Variants in EXOSC2 observed in about 807,000 individuals in gnomAD.
EXOSC2 encodes exosome component 2.
Under a neutral mutation model 37.6 loss-of-function variants are expected in EXOSC2, and 29 were observed. That is an observed-to-expected ratio of 0.77 (90% CI 0.57 to 1.05). The LOEUF (loss-of-function observed/expected upper bound fraction) is 1.05, where lower values mean the gene tolerates loss of function less well. Among genes scored for constraint, EXOSC2 ranks in the 50% least tolerant of loss-of-function variants. The pLI, the probability that EXOSC2 is intolerant of heterozygous loss-of-function variation, is 0.00. For synonymous variants in EXOSC2, 119 were observed against 131.1 expected (o/e 0.91, Z 0.63); for missense variants, 346 against 365.6 (o/e 0.95, Z 0.44).
At position 130,698,156 on chromosome 9, in the gene EXOSC2, T is replaced by C; in HGVS notation, c.271-6T>C. 3.7e-6 allele frequency: 6 copies of C among 1,613,694 alleles called. No homozygotes were observed. Among genetic ancestry groups the C allele is most frequent in the Non-Finnish European group, 5.1e-6 (6 of 1,179,672 alleles). ...CATGTGTCCAGGTGTGGAACTTGGC[T>C]TATAGGTTCAACAGAAGAGGTGGAA... On this transcript the variant is annotated splice_region_variant and splice_polypyrimidine_tract_variant and intron_variant, in intron 3 of 8. Transcript: ENST00000372358. The surrounding 1 kb of genome is among the most constrained non-coding windows in gnomAD (Gnocchi z 4.1).
chr9:130,703,441 T>C (rs944327121), intron 8 of EXOSC2, among the ~76,000 whole-genome samples: 1 of 152,228 alleles, frequency 6.6e-6, no homozygotes, highest in African/African-American at 2.4e-5. Context: ...GACTACATCT[T>C]ACCTCTCCCA....
At position 130,693,812 on chromosome 9, in the gene EXOSC2, T is replaced by C. The variant is rs765985454; in HGVS notation, c.21T>C (p.Leu7=). The change falls in exon 1 of 9, where the codon CTT becomes CTC. Residue 7 remains leucine, a synonymous_variant. Coordinates refer to ENST00000372358, the MANE Select transcript of EXOSC2 (RefSeq NM_014285.7). MAMEMR[L]PVARKPLSER... is the part of the protein sequence containing the mutation. ...CCAAGATGGCGATGGAGATGAGGCTTCCAGTGGCTCGCAAGCCTCTTAGCG... is the reference window on the plus strand; with the variant it reads ...CCAAGATGGCGATGGAGATGAGGCTCCCAGTGGCTCGCAAGCCTCTTAGCG... The C allele has an allele frequency of 1.2e-6, 2 of 1,608,696 alleles. No individual in the cohort carries two copies. Among genetic ancestry groups the C allele is most frequent in the Non-Finnish European group, 1.7e-6 (2 of 1,176,748 alleles).
At position 130,703,830 on chromosome 9, in the gene EXOSC2, T is replaced by G; in HGVS notation, c.*56T>G. The G allele has an allele frequency of 1.4e-6, 2 of 1,406,956 alleles. No homozygotes were observed. The highest frequency in any genetic ancestry group is 2.0e-6 in the Non-Finnish European group (2 of 1,006,278). 87.2% of individuals were successfully genotyped at this position (1,406,956 alleles called of 1,614,324 possible). On this transcript the variant is annotated 3_prime_UTR_variant, in exon 9 of 9. Transcript: ENST00000372358. Reference sequence around the variant, plus strand: ...CCTTGCAGGAGTGAAGACTGTGATGTGTGGTCCCCATATGTGGCTCAGCAA... The same window carrying G: ...CCTTGCAGGAGTGAAGACTGTGATGGGTGGTCCCCATATGTGGCTCAGCAA...
rs777399540 is a variant in EXOSC2, at chr9:130,698,259, C to T, written c.360+8C>T. ...CTTCCTGGAGGAGAGCTGGTAAGGGCTACAGCTGGGGCCATGGACTAGGGC... is the reference window on the plus strand; with the variant it reads ...CTTCCTGGAGGAGAGCTGGTAAGGGTTACAGCTGGGGCCATGGACTAGGGC... On this transcript the variant is annotated splice_region_variant and intron_variant, in intron 4 of 8. Transcript: ENST00000372358. This position sits in a 1 kb window ranked among gnomAD's most constrained non-coding sequence, Gnocchi z 4.1. The T allele has an allele frequency of 1.9e-6, 3 of 1,613,300 alleles. No individual in the cohort carries two copies. The highest frequency in any genetic ancestry group is 1.1e-5 in the South Asian group (1 of 91,038).
chr9:130,702,787 G>A (rs1831246614), intron 7 of EXOSC2, among the ~76,000 whole-genome samples: 1 of 152,060 alleles, frequency 6.6e-6, no homozygotes, highest in Non-Finnish European at 1.5e-5. Context: ...TAGAGATGGG[G>A]TTTCACCATG....
chr9:130,702,933 A>AT, intron 7 of EXOSC2, 120 bp from the exon 8 acceptor site: 2 of 1,232,282 alleles, frequency 1.6e-6, no homozygotes, highest in Non-Finnish European at 2.3e-6. Context: ...TGTTTGGTTG[A>AT]TTTGGAGTTC....
Position 130,700,886 on chromosome 9 carries a change from T to A in EXOSC2, c.446T>A (p.Phe149Tyr), listed in dbSNP as rs779665643. The change falls in exon 6 of 9, where the codon TTC (phenylalanine) becomes TAC (tyrosine). Residue 149 changes from phenylalanine (F) to tyrosine (Y), a missense_variant. By Grantham distance (22) the Phe-to-Tyr change is conservative. Coordinates refer to ENST00000372358, the MANE Select transcript of EXOSC2 (RefSeq NM_014285.7). ...DLISAEVQAV[F>Y]SDGAVSLHTR... ...GGCCAGGCTGAGGTCCAGGCAGTGT[T>A]CTCTGACGGAGCTGTCTCTTTGCAC... 7 of 1,614,098 alleles carry A rather than the reference T, an allele frequency of 4.3e-6. No individual in the cohort carries two copies. The South Asian group carries it at 6.6e-5, about 15-fold the overall frequency.
At position 130,695,533 on chromosome 9, in the gene EXOSC2, C is replaced by T; in HGVS notation, c.164C>T (p.Ser55Phe). ...TYMGEEKLIA[S>F]VAGSVERVNK... ...ATGGGAGAAGAGAAGCTCATTGCAT[C>T]TGTTGCTGGCTCTGTGGAGAGAGTA... The change falls in exon 2 of 9, where the codon TCT (serine) becomes TTT (phenylalanine). Residue 55 changes from serine (S) to phenylalanine (F), a missense_variant. Transcript: ENST00000372358. 6.2e-7 allele frequency: 1 copy of T among 1,614,218 alleles called. No individual in the cohort carries two copies. Among genetic ancestry groups the T allele is most frequent in the Non-Finnish European group, 8.5e-7 (1 of 1,180,040 alleles).
chr9:130,695,213 T>C (rs1226598655), intron 1 of EXOSC2, among the ~76,000 whole-genome samples: 2 of 152,094 alleles, frequency 1.3e-5, no homozygotes, highest in Non-Finnish European at 2.9e-5. Context: ...GTCAATGGTA[T>C]GTGGGGGGAA....
intron 5 of EXOSC2, 33 bp downstream of exon 5, chr9:130,699,427 G>GCTT (rs768158074): frequency 1.9e-6 from 3 of 1,602,476 alleles, no homozygotes; most frequent in Admixed American, 3.3e-5. Flanking sequence ...GCCTCTTGAT[G>GCTT]CTTTTCTGTG....
rs746209114 is a variant in EXOSC2 at position 130,698,294 on chromosome 9, TG to T, written c.360+49del. On this transcript the variant is annotated intron_variant, in intron 4 of 8. Transcript: ENST00000372358. This position sits in a 1 kb window ranked among gnomAD's most constrained non-coding sequence, Gnocchi z 4.1. ...GGCCATGGACTAGGGCCCAGTGGGCTGGGGGGAGCCGTGGGACCCTTTGTTC... is the reference window on the plus strand; with the variant it reads ...GGCCATGGACTAGGGCCCAGTGGGCTGGGGGAGCCGTGGGACCCTTTGTTC... 2.5e-6 allele frequency: 4 copies of T among 1,577,050 alleles called. No homozygotes were observed. Among genetic ancestry groups the T allele is most frequent in the Non-Finnish European group, 2.6e-6 (3 of 1,148,282 alleles).
Position 130,698,039 on chromosome 9 carries a change from C to A in EXOSC2, c.271-123C>A. ...AAACTCCTGACCTCAAGTGATCCAC[C>A]AGCTTCGGCCTCCCAAAGTGCTGGG... On this transcript the variant is annotated intron_variant, in intron 3 of 8. Transcript: ENST00000372358. This position sits in a 1 kb window ranked among gnomAD's most constrained non-coding sequence, Gnocchi z 4.1. The A allele has an allele frequency of 3.7e-6, 3 of 820,994 alleles. No individual in the cohort carries two copies. The highest frequency in any genetic ancestry group is 6.1e-6 in the Non-Finnish European group (3 of 491,732). 50.9% of individuals were successfully genotyped at this position (820,994 alleles called of 1,614,324 possible). A position where few individuals can be genotyped will look rare whatever the true frequency, so the allele number is the denominator to read the frequency against.
rs759002672 is a variant in EXOSC2, at chr9:130,699,475, G to A, written c.426+81G>A. 1.7e-5 allele frequency: 23 copies of A among 1,347,084 alleles called. No homozygotes were observed. In the East Asian group the frequency reaches 3.4e-4, roughly 20 times the overall value. The allele number at this position is 1,347,084 out of a possible 1,614,324, so 83.4% of individuals were successfully genotyped here. ...GGGCCTTCCATTGTATGTCTCTGAC[G>A]GAAGAACCATGTCATCCTTGCAGGG... On this transcript the variant is annotated intron_variant, in intron 5 of 8. Coordinates refer to ENST00000372358, the MANE Select transcript of EXOSC2 (RefSeq NM_014285.7).
In EXOSC2 at chr9:130,698,647, T is replaced by C. The variant is rs1239529366; in HGVS notation, c.360+396T>C. Reference sequence around the variant, plus strand: ...ATTTCATTCAACCATGTGTGGAATGTGGTTGCTGGCATTCCAGACAACCAC... The same window carrying C: ...ATTTCATTCAACCATGTGTGGAATGCGGTTGCTGGCATTCCAGACAACCAC... On this transcript the variant is annotated intron_variant, in intron 4 of 8. Transcript: ENST00000372358. This position sits in a 1 kb window ranked among gnomAD's most constrained non-coding sequence, Gnocchi z 4.1. Among the ~76,000 whole-genome samples the C allele has an allele frequency of 6.6e-6, 1 of 152,216 alleles. No individual in the cohort carries two copies. Among genetic ancestry groups the C allele is most frequent in the Non-Finnish European group, 1.5e-5 (1 of 68,034 alleles).
At chr9:130,697,827 T>G in intron 3 of EXOSC2, 200 bp downstream of exon 3, 1 of 585,260 alleles carries the variant, frequency 1.7e-6, no homozygotes, top group South Asian at 2.0e-5. Flanking sequence ...GGAGTCTCGC[T>G]CTGTCGCCCA....
intron 6 of EXOSC2, 56 bp from the exon 7 acceptor site, chr9:130,702,078 T>C: frequency 6.3e-7 from 1 of 1,581,892 alleles, no homozygotes; most frequent in Non-Finnish European, 8.6e-7. Context: ...TGTAGTCTCC[T>C]TTTCATTCAT....
At chr9:130,697,153 CT>C (rs1831114326) in intron 2 of EXOSC2, among the ~76,000 whole-genome samples, 1 of 152,160 alleles carries the variant, frequency 6.6e-6, no homozygotes, top group Admixed American at 6.5e-5. Flanking sequence ...GGGTAAGGAA[CT>C]AGCAAAGGGG....
Position 130,701,664 on chromosome 9 carries a change from C to A in EXOSC2, c.496-470C>A, listed in dbSNP as rs932526434. On this transcript the variant is annotated intron_variant, in intron 6 of 8. Transcript: ENST00000372358. Reference sequence around the variant, plus strand: ...TTCCTTGGCAGGACGTGGACTTGAGCTGTCCTGCCAGGACCAGACATGGAT... The same window carrying A: ...TTCCTTGGCAGGACGTGGACTTGAGATGTCCTGCCAGGACCAGACATGGAT... 7.4e-6 allele frequency: 7 copies of A among 952,320 alleles called. 1 individual carries two copies. Among genetic ancestry groups the A allele is most frequent in the Non-Finnish European group, 8.8e-6 (7 of 798,762 alleles). 59.0% of individuals were successfully genotyped at this position (952,320 alleles called of 1,614,324 possible). A position where few individuals can be genotyped will look rare whatever the true frequency, so the allele number is the denominator to read the frequency against.
chr9:130,697,525 G>A, intron 2 of EXOSC2, 57 bp from the exon 3 acceptor site: 1 of 1,540,034 alleles, frequency 6.5e-7, no homozygotes, highest in Non-Finnish European at 9.0e-7. Context: ...AATGGTGTGT[G>A]GTCTTGTCAG....
Sources: gnomAD v4.1 joint callset for allele counts (sites outside exome capture counted in the v4.1 genomes callset) on GRCh38, gnomAD v4.1.1 for gene constraint, Gnocchi (gnomAD v3.1) non-coding constraint, MANE v1.5 for transcripts, NCBI Gene and HGNC (gene_info 2026-07-23, HGNC 2026-07-21) for gene names.